The following SSBP3 variants were observed in gnomAD, a reference collection of about 807,000 sequenced individuals.
SSBP3 encodes single-stranded DNA-binding protein 3.
In SSBP3, 5 loss-of-function variants were observed where a neutral mutation model predicts 69.6. The observed-to-expected ratio is 0.07, with a 90% CI of 0.04 to 0.15. The LOEUF is 0.15. SSBP3 is among the 10% of genes least tolerant of loss of function. SSBP3 has a pLI of 1.00. For synonymous variants in SSBP3, 196 were observed against 193.4 expected, an observed-to-expected ratio of 1.01 and a Z score of -0.11; for missense variants, 312 against 534.0, an observed-to-expected ratio of 0.58 and a Z score of 4.10.
intron 4 of SSBP3, among the ~76,000 whole-genome samples, chr1:54,395,753 A>G (rs1047522699): frequency 6.6e-6 from 1 of 152,168 alleles, no homozygotes; most frequent in Non-Finnish European, 1.5e-5. Context: ...AAGAAATGAC[A>G]AAGTGGAGAC....
exon 3 of SSBP3, chr1:54,404,628 C>T (rs760863366): frequency 6.2e-7 from 1 of 1,613,882 alleles, no homozygotes; most frequent in South Asian, 1.1e-5. Flanking sequence ...ATGTTTTTTT[C>T]CCATCGAATC....
chr1:54,393,934 A>G (rs903302253), intron 4 of SSBP3, among the ~76,000 whole-genome samples: 4 of 152,060 alleles, frequency 2.6e-5, no homozygotes, highest in African/African-American at 9.7e-5. Flanking sequence ...TAATTTTTCT[A>G]TTCTTAGTAA....
intron 17 of SSBP3, 67 bp downstream of exon 17, chr1:54,228,188 C>T (rs959423219): frequency 9.6e-6 from 14 of 1,457,792 alleles, no homozygotes; most frequent in Middle Eastern, 4.6e-4. Context: ...CTCCGTAGCT[C>T]GCAACTTGTT....
chr1:54,312,655 T>C (rs927597540), intron 4 of SSBP3, among the ~76,000 whole-genome samples: 2 of 152,164 alleles, frequency 1.3e-5, no homozygotes, highest in African/African-American at 4.8e-5. Context: ...AGGAAAGAGA[T>C]GACCCCTCTC....
chr1:54,376,033 G>A (rs867501401), intron 4 of SSBP3, among the ~76,000 whole-genome samples: 6 of 152,132 alleles, frequency 3.9e-5, no homozygotes, highest in Non-Finnish European at 5.9e-5. Flanking sequence ...AAGAGCCTTT[G>A]TGCTGGCTTC....
At chr1:54,394,009 C>T (rs1281269668) in intron 4 of SSBP3, among the ~76,000 whole-genome samples, 1 of 152,206 alleles carries the variant, frequency 6.6e-6, no homozygotes, top group Non-Finnish European at 1.5e-5. Flanking sequence ...ATTCGCCTGC[C>T]TCGGCCTCCC....
At chr1:54,398,228 A>G (rs1649034098) in intron 4 of SSBP3, among the ~76,000 whole-genome samples, 1 of 152,192 alleles carries the variant, frequency 6.6e-6, no homozygotes, top group South Asian at 2.1e-4. Context: ...ACAAAACCCA[A>G]CCGACGAGGC....
chr1:54,273,834 C>T (rs948342438), intron 5 of SSBP3, among the ~76,000 whole-genome samples: 5 of 152,342 alleles, frequency 3.3e-5, no homozygotes, highest in African/African-American at 9.6e-5. Context: ...GAGGGGCTGC[C>T]GCTCCCAGAG....
At chr1:54,308,439 A>C (rs934915504) in intron 4 of SSBP3, among the ~76,000 whole-genome samples, 2 of 152,090 alleles carry the variant, frequency 1.3e-5, no homozygotes, top group African/African-American at 4.8e-5. Flanking sequence ...GTCTCTACTA[A>C]AAATACAAAA....
At chr1:54,243,176 G>A in intron 10 of SSBP3, 59 bp downstream of exon 10, 1 of 1,519,254 alleles carries the variant, frequency 6.6e-7, no homozygotes, top group Non-Finnish European at 9.1e-7. Flanking sequence ...CCAGGGTGCT[G>A]GCAGAGGGTG....
chr1:54,238,288 A>C (rs188607483), intron 14 of SSBP3: 26 of 471,102 alleles, frequency 5.5e-5, no homozygotes, highest in Admixed American at 1.4e-4. Flanking sequence ...CTACCCCCTC[A>C]ACCAGGCCAA....
intron 4 of SSBP3, among the ~76,000 whole-genome samples, chr1:54,376,443 C>T (rs907563991): frequency 4.6e-5 from 7 of 152,204 alleles, no homozygotes; most frequent in Non-Finnish European, 8.8e-5. Flanking sequence ...GCAGCCCTTA[C>T]AGCTCCACCA....
Position 54,333,607 on chromosome 1 carries a change from T to C in SSBP3, c.277-52080A>G, listed in dbSNP as rs148721475. On this transcript the variant is annotated intron_variant, in intron 4 of 17. Transcript: ENST00000610401. ...AATCAAAGAACTCCAAGACAGGCTATCTGGGTTTAAATCCCAGCTCTGCCA... is the reference window on the plus strand; with the variant it reads ...AATCAAAGAACTCCAAGACAGGCTACCTGGGTTTAAATCCCAGCTCTGCCA... 2.6e-5 allele frequency among the ~76,000 whole-genome samples: 4 copies of C among 152,310 alleles called. No individual in the cohort carries two copies. In the East Asian group the frequency reaches 5.8e-4, roughly 22 times the overall value.
At chr1:54,386,682 A>ATTTTTTTTTTTTTTTTTTTT (rs1648104342) in intron 4 of SSBP3, among the ~76,000 whole-genome samples, 12 of 55,028 alleles carry the variant, frequency 2.2e-4, no homozygotes, top group Non-Finnish European at 2.8e-4. Context: ...AACTGATCCT[A>ATTTTTTTTTTTTTTTTTTTT]CTTTTTTTTT....
intron 5 of SSBP3, among the ~76,000 whole-genome samples, chr1:54,275,695 G>C (rs557296495): frequency 2.0e-5 from 3 of 152,322 alleles, no homozygotes; most frequent in African/African-American, 7.2e-5. Flanking sequence ...TCATTAATTT[G>C]GCAGATGACA....
intron 4 of SSBP3, among the ~76,000 whole-genome samples, chr1:54,392,987 T>C (rs1014968028): frequency 4.6e-5 from 7 of 152,146 alleles, no homozygotes; most frequent in Non-Finnish European, 2.9e-5. Flanking sequence ...CAGGCTAGCA[T>C]TGGCTCTACA....
At chr1:54,345,912 C>T (rs539038738) in intron 4 of SSBP3, among the ~76,000 whole-genome samples, 162 of 150,668 alleles carry the variant, frequency 1.1e-3, no homozygotes, top group African/African-American at 3.6e-3. Flanking sequence ...GAGGCCGACG[C>T]GGGTGGATCA....
chr1:54,410,975 G>T (rs1649972583), upstream of SSBP3, among the ~76,000 whole-genome samples: 2 of 152,154 alleles, frequency 1.3e-5, no homozygotes, highest in Admixed American at 1.3e-4. Context: ...ACAGAGAGGT[G>T]CTAAGAAAGA....
chr1:54,269,351 A>T (rs1645153945), intron 5 of SSBP3, among the ~76,000 whole-genome samples: 1 of 152,306 alleles, frequency 6.6e-6, no homozygotes, highest in South Asian at 2.1e-4. Context: ...CCCAGAAGAC[A>T]GGGGCCAGGT....
Sources: allele counts gnomAD v4.1 joint callset (sites outside exome capture counted in the v4.1 genomes callset), GRCh38; gene constraint gnomAD v4.1.1; transcripts MANE v1.5; gene names NCBI Gene and HGNC (gene_info 2026-07-23, HGNC 2026-07-21).